The following C2orf92 variants were observed in gnomAD, a reference collection of about 807,000 sequenced individuals.
C2orf92 encodes uncharacterized protein C2orf92.
rs543325586 is a variant in C2orf92, at chr2:97,688,337, G to A, written c.233-558G>A. On this transcript the variant is annotated intron_variant, in intron 3 of 7. Coordinates refer to ENST00000627399, the MANE Select transcript of C2orf92 (RefSeq NM_001351368.2). ...TATAGGATGAGTGGGCTTTGTGAGG[G>A]CTGTTTTCTGTGACTTAGCAAGGAA... is the stretch of plus-strand genomic sequence containing the variant. Among the ~76,000 whole-genome samples the A allele has an allele frequency of 2.3e-4, 35 of 152,188 alleles. No homozygotes were observed. In the South Asian group the frequency reaches 3.1e-3, roughly 14 times the overall value.
At position 97,703,062 on chromosome 2, in the gene C2orf92, AGTC is replaced by A; in HGVS notation, c.*262_*264del. ...TAATAAAGCATTGATTCATTTTTTC[AGTC>A]ATTCATTGAACAGATATTAATAGAC... On this transcript the variant is annotated 3_prime_UTR_variant, in exon 8 of 8. Coordinates refer to ENST00000627399, the MANE Select transcript of C2orf92 (RefSeq NM_001351368.2). The A allele has an allele frequency of 3.2e-6, 1 of 310,164 alleles. No homozygotes were observed. Among genetic ancestry groups the A allele is most frequent in the Non-Finnish European group, 5.8e-6 (1 of 171,400 alleles). The allele number at this position is 310,164 out of a possible 1,614,324, so 19.2% of individuals were successfully genotyped here. A position where few individuals can be genotyped will look rare whatever the true frequency, so the allele number is the denominator to read the frequency against.
intron 3 of C2orf92, among the ~76,000 whole-genome samples, chr2:97,685,631 C>T (rs1481111331): frequency 6.6e-6 from 1 of 151,864 alleles, no homozygotes; most frequent in Non-Finnish European, 1.5e-5. Flanking sequence ...GGCGCAATCT[C>T]GGATCACTGC....
At chr2:97,678,617 C>T (rs752739724) in intron 3 of C2orf92, among the ~76,000 whole-genome samples, 14 of 151,950 alleles carry the variant, frequency 9.2e-5, no homozygotes, top group Admixed American at 3.3e-4. Context: ...CTCATTTCTC[C>T]GCAACAACCA....
chr2:97,691,753 G>A (rs1216136419), intron 5 of C2orf92, among the ~76,000 whole-genome samples: 1 of 152,052 alleles, frequency 6.6e-6, no homozygotes, highest in African/African-American at 2.4e-5. Context: ...TAGCTCCCCT[G>A]TAGTCAGGAG....
At chr2:97,671,558 T>G (rs1675412080) in intron 1 of C2orf92, 4 of 398,502 alleles carry the variant, frequency 1.0e-5, no homozygotes, top group Admixed American at 4.4e-5. Context: ...GCGTGCATGG[T>G]CCTCATTGTC....
chr2:97,690,405 G>A (rs1276856769), intron 5 of C2orf92, 78 bp downstream of exon 5: 1 of 388,384 alleles, frequency 2.6e-6, no homozygotes, highest in Non-Finnish European at 4.6e-6. Flanking sequence ...TTTTGAGACG[G>A]AGTCTCACTC....
intron 5 of C2orf92, among the ~76,000 whole-genome samples, chr2:97,696,260 T>G (rs1676302437): frequency 6.7e-6 from 1 of 150,006 alleles, no homozygotes; most frequent in South Asian, 2.1e-4. Flanking sequence ...GTAGGAAGAG[T>G]GAGGGAAGAA....
upstream of C2orf92, among the ~76,000 whole-genome samples, chr2:97,665,251 A>G (rs1675168927): frequency 6.6e-6 from 1 of 152,220 alleles, no homozygotes. Context: ...ATGGGTTGTG[A>G]GCATAAAATT....
intron 7 of C2orf92, among the ~76,000 whole-genome samples, chr2:97,701,877 T>C (rs1396526957): frequency 6.6e-6 from 1 of 152,238 alleles, no homozygotes; most frequent in African/African-American, 2.4e-5. Flanking sequence ...TCATTTTGAC[T>C]GGTCAGTGCC....
At chr2:97,674,346 T>C in intron 1 of C2orf92, 110 bp from the exon 2 acceptor site, 1 of 396,786 alleles carries the variant, frequency 2.5e-6, no homozygotes, top group Non-Finnish European at 4.4e-6. Flanking sequence ...TACAGCATGA[T>C]GTCCAATATC....
intron 3 of C2orf92, among the ~76,000 whole-genome samples, chr2:97,679,608 G>T (rs1224090670): frequency 6.6e-6 from 1 of 152,090 alleles, no homozygotes; most frequent in Non-Finnish European, 1.5e-5. Context: ...TTGGGAGGCT[G>T]AGGTGGGGGG....
At chr2:97,669,128 A>G (rs941615970), upstream of C2orf92, 1 of 152,258 alleles carries the variant, frequency 6.6e-6, no homozygotes, top group Non-Finnish European at 1.5e-5. Context: ...ACAAGGTACT[A>G]TAATAGATTT....
chr2:97,701,344 G>C, intron 7 of C2orf92, 40 bp downstream of exon 7: 1 of 398,248 alleles, frequency 2.5e-6, no homozygotes, highest in Non-Finnish European at 4.4e-6. Context: ...AAGAACCCGC[G>C]GGTGTTAGAA....
At chr2:97,681,681 A>G (rs892173895) in intron 3 of C2orf92, among the ~76,000 whole-genome samples, 3 of 152,144 alleles carry the variant, frequency 2.0e-5, no homozygotes, top group Non-Finnish European at 4.4e-5. Context: ...ACACGGTGAA[A>G]CCCTGTCTCT....
At chr2:97,669,354 C>A (rs1675334617), upstream of C2orf92, 1 of 152,814 alleles carries the variant, frequency 6.5e-6, no homozygotes, top group Non-Finnish European at 1.5e-5. Context: ...CCTGCCTCAG[C>A]CTTCCAAAGT....
At chr2:97,672,460 G>C (rs977905945) in intron 1 of C2orf92, 1 of 152,232 alleles carries the variant, frequency 6.6e-6, no homozygotes. Context: ...GGTAGCACTC[G>C]CAGTCCCCCT....
upstream of C2orf92, chr2:97,666,053 T>TA (rs1389773220): frequency 6.6e-6 from 1 of 151,302 alleles, no homozygotes; most frequent in Admixed American, 6.7e-5. Flanking sequence ...GTGCTGGGAT[T>TA]ACAGGTGTGA....
chr2:97,701,548 T>C (rs1407450722), intron 7 of C2orf92, among the ~76,000 whole-genome samples: 1 of 152,174 alleles, frequency 6.6e-6, no homozygotes, highest in African/African-American at 2.4e-5. Flanking sequence ...CAGGGTTGCC[T>C]CTCAAGGCCA....
At chr2:97,664,361 G>A (rs976124360) in exon 1 of C2orf92, 3 of 152,198 alleles carry the variant, frequency 2.0e-5, no homozygotes, top group African/African-American at 7.2e-5. Context: ...CCAGAAAGAC[G>A]TCTTTCCCGC....
Sources: allele counts gnomAD v4.1 joint callset (sites outside exome capture counted in the v4.1 genomes callset), GRCh38; gene constraint gnomAD v4.1.1; transcripts MANE v1.5; gene names NCBI Gene and HGNC (gene_info 2026-07-23, HGNC 2026-07-21).